The following DTNA variants were observed in gnomAD, a reference collection of about 807,000 sequenced individuals.
DTNA encodes the protein dystrobrevin alpha.
DTNA carries 43 observed loss-of-function variants against 100.7 expected under a neutral mutation model. The ratio of observed to expected loss-of-function variants is 0.43; its 90% CI spans 0.33 to 0.55. The LOEUF (loss-of-function observed/expected upper bound fraction) is 0.55, where lower values mean the gene tolerates loss of function less well. DTNA is among the 20% of genes least tolerant of loss of function. The pLI is 0.04. For missense variants in DTNA, 798 were observed against 953.9 expected (o/e 0.84, Z 2.15); for synonymous variants, 349 against 347.9 (o/e 1.00, Z -0.04).
At chr18:34,507,254 C>T (rs1404909242) in intron 1 of DTNA, among the ~76,000 whole-genome samples, 1 of 152,148 alleles carries the variant, frequency 6.6e-6, no homozygotes, top group African/African-American at 2.4e-5. Flanking sequence ...CATCCCAGCT[C>T]TTGCTCTACT....
chr18:34,798,536 C>T (rs942762200), intron 4 of DTNA, among the ~76,000 whole-genome samples: 15 of 152,158 alleles, frequency 9.9e-5, no homozygotes, highest in African/African-American at 3.6e-4. Context: ...AACAAGTTGT[C>T]TTGACTCAAT....
Position 34,858,489 on chromosome 18 carries a change from AG to A in DTNA, c.1646+92del, listed in dbSNP as rs2096578760. 29 of 1,241,694 alleles carry A rather than the reference AG, an allele frequency of 2.3e-5. No individual in the cohort carries two copies. In the South Asian group the frequency reaches 3.6e-4, roughly 15 times the overall value. The allele number at this position is 1,241,694 out of a possible 1,614,324, so 76.9% of individuals were successfully genotyped here. On this transcript the variant is annotated intron_variant, in intron 16 of 22. Transcript: ENST00000444659. ...AGTGTCTAGCCAGAAAACAGTCCTCAGCTACCTTAGCTGCTGACATTTGTTT... is the reference window on the plus strand; with the variant it reads ...AGTGTCTAGCCAGAAAACAGTCCTCACTACCTTAGCTGCTGACATTTGTTT...
intron 15 of DTNA, among the ~76,000 whole-genome samples, chr18:34,852,792 T>G (rs889728513): frequency 4.6e-5 from 7 of 152,220 alleles, no homozygotes; most frequent in African/African-American, 1.7e-4. Flanking sequence ...CACTGGGGTC[T>G]CAGCTCAAAT....
intron 15 of DTNA, among the ~76,000 whole-genome samples, chr18:34,857,184 C>CA (rs1046712919): frequency 8.6e-5 from 13 of 151,876 alleles, no homozygotes; most frequent in East Asian, 3.9e-4. Flanking sequence ...GAGGAGAAAA[C>CA]AAAAAAAAGA....
At chr18:34,564,978 A>C (rs1421456419) in intron 1 of DTNA, among the ~76,000 whole-genome samples, 1 of 152,232 alleles carries the variant, frequency 6.6e-6, no homozygotes, top group Non-Finnish European at 1.5e-5. Flanking sequence ...ATCCTGCCTT[A>C]ATAAAATTAA....
intron 1 of DTNA, among the ~76,000 whole-genome samples, chr18:34,695,241 C>T (rs1271186936): frequency 1.3e-5 from 2 of 152,202 alleles, no homozygotes; most frequent in East Asian, 3.9e-4. Context: ...TGAGATTTCC[C>T]ATATCGTCTA....
chr18:34,624,326 CTGAG>C (rs1480249628), intron 1 of DTNA, among the ~76,000 whole-genome samples: 1 of 152,132 alleles, frequency 6.6e-6, no homozygotes, highest in Non-Finnish European at 1.5e-5. Flanking sequence ...ATGCTGAGAA[CTGAG>C]TAACACATTG....
intron 1 of DTNA, among the ~76,000 whole-genome samples, chr18:34,675,526 G>A (rs993612668): frequency 2.6e-5 from 4 of 152,040 alleles, no homozygotes; most frequent in Admixed American, 6.6e-5. Flanking sequence ...GTTCACAAGG[G>A]TAAGAGAAAG....
chr18:34,670,333 T>C (rs2076571408), intron 1 of DTNA, among the ~76,000 whole-genome samples: 1 of 152,200 alleles, frequency 6.6e-6, no homozygotes, highest in Admixed American at 6.5e-5. Context: ...CTAATCTTTT[T>C]TCAAGGTTTT....
Position 34,890,322 on chromosome 18 carries a change from G to C in DTNA, c.*2588G>C. 1 of 1,536,066 alleles carries C rather than the reference G, an allele frequency of 6.5e-7. No homozygotes were observed. The highest frequency in any genetic ancestry group is 8.7e-7 in the Non-Finnish European group (1 of 1,146,888). On this transcript the variant is annotated 3_prime_UTR_variant, in exon 23 of 23. Transcript: ENST00000444659. ...TAGCTCCACGTCAGCACTGAGACCA[G>C]ACTCGAGCACCCCTGTCCTGTAAGC...
chr18:34,668,415 C>T (rs1246073535), intron 1 of DTNA, among the ~76,000 whole-genome samples: 2 of 152,098 alleles, frequency 1.3e-5, no homozygotes, highest in Non-Finnish European at 2.9e-5. Context: ...TTTTTTGTGT[C>T]TCTGTCTCCT....
chr18:34,630,161 T>C (rs1255215370), intron 1 of DTNA, among the ~76,000 whole-genome samples: 1 of 152,158 alleles, frequency 6.6e-6, no homozygotes, highest in African/African-American at 2.4e-5. Context: ...TTTTTTTTAA[T>C]CACAACCCTA....
intron 1 of DTNA, among the ~76,000 whole-genome samples, chr18:34,679,861 A>T (rs140327021): frequency 3.9e-5 from 6 of 152,218 alleles, no homozygotes; most frequent in Non-Finnish European, 8.8e-5. Flanking sequence ...TAACATAAAG[A>T]TTGTCTTGAC....
intron 1 of DTNA, among the ~76,000 whole-genome samples, chr18:34,752,093 C>A (rs1399597390): frequency 1.3e-5 from 2 of 152,156 alleles, no homozygotes; most frequent in African/African-American, 4.8e-5. Flanking sequence ...CTTGTAAAAT[C>A]TAAGGTTGTA....
intron 13 of DTNA, among the ~76,000 whole-genome samples, chr18:34,846,648 G>C (rs931475344): frequency 1.3e-5 from 2 of 151,884 alleles, no homozygotes; most frequent in African/African-American, 4.8e-5. Context: ...AGACAGGAAT[G>C]TCTTATGAAT....
At chr18:34,576,865 G>A (rs565534951) in intron 1 of DTNA, among the ~76,000 whole-genome samples, 9 of 152,270 alleles carry the variant, frequency 5.9e-5, no homozygotes, top group South Asian at 4.2e-4. Flanking sequence ...CTTGTCATGC[G>A]TGTGAACATT....
intron 1 of DTNA, among the ~76,000 whole-genome samples, chr18:34,732,438 C>G: frequency 6.6e-6 from 1 of 152,176 alleles, no homozygotes; most frequent in East Asian, 1.9e-4. Context: ...CCTTCCTCTG[C>G]GATCCTCCTT....
At position 34,780,785 on chromosome 18, in the gene DTNA, T is replaced by C. The variant is rs146642117; in HGVS notation, c.149-13252T>C. Among the ~76,000 whole-genome samples the C allele has an allele frequency of 1.6e-3, 238 of 152,234 alleles. 1 individual carries two copies. The highest frequency in any genetic ancestry group is 5.6e-3 in the African/African-American group (231 of 41,542). On this transcript the variant is annotated intron_variant, in intron 3 of 22. Transcript: ENST00000444659. Reference sequence around the variant, plus strand: ...CTTGCATGGAAGCAGCTCACTGGGATAGTGAACCCAGAACAAACTGAAACC... The same window carrying C: ...CTTGCATGGAAGCAGCTCACTGGGACAGTGAACCCAGAACAAACTGAAACC...
chr18:34,656,936 G>T (rs531229330), intron 1 of DTNA, among the ~76,000 whole-genome samples: 13 of 152,138 alleles, frequency 8.5e-5, no homozygotes, highest in African/African-American at 3.1e-4. Flanking sequence ...CAGTTCAGTG[G>T]CATGATCTCG....
Sources: gnomAD v4.1 joint callset for allele counts (sites outside exome capture counted in the v4.1 genomes callset) on GRCh38, gnomAD v4.1.1 for gene constraint, MANE v1.5 for transcripts, NCBI Gene and HGNC (gene_info 2026-07-23, HGNC 2026-07-21) for gene names.